MUSK: variants seen among roughly 807,000 people sequenced by gnomAD.
MUSK encodes the protein muscle associated receptor tyrosine kinase.
In MUSK, 55 loss-of-function variants were observed where a neutral mutation model predicts 88.7. That is an observed-to-expected ratio of 0.62 (90% CI 0.50 to 0.78). MUSK has a LOEUF of 0.78. Ranked by LOEUF, MUSK falls within the 30% of genes least tolerant of loss-of-function variation. The pLI is 0.00. For synonymous variants in MUSK, 387 were observed against 391.9 expected (o/e 0.99, Z 0.15); for missense variants, 1,015 against 1,074.3 (o/e 0.94, Z 0.77).
At chr9:110,737,145 A>C (rs188531905) in intron 6 of MUSK, among the ~76,000 whole-genome samples, 1 of 152,052 alleles carries the variant, frequency 6.6e-6, no homozygotes, top group East Asian at 1.9e-4. Flanking sequence ...TCAAAATTTT[A>C]ATTTTCTCAC....
In MUSK at chr9:110,786,032, C is replaced by G. The variant is rs1257091652; in HGVS notation, c.1778+314C>G. ...TTTTTATCAAGTTAGTTAATTCTGG[C>G]CAGGTGCGGTGGCTCGTGCCTGTAA... On this transcript the variant is annotated intron_variant, in intron 13 of 14. Coordinates refer to ENST00000374448, the MANE Select transcript of MUSK (RefSeq NM_005592.4). Among the ~76,000 whole-genome samples the G allele has an allele frequency of 4.0e-5, 6 of 150,126 alleles. No individual in the cohort carries two copies. The East Asian group carries it at 1.2e-3, about 29-fold the overall frequency.
At chr9:110,690,270 G>C (rs1174672769) in intron 3 of MUSK, among the ~76,000 whole-genome samples, 1 of 95,268 alleles carries the variant, frequency 1.0e-5, no homozygotes, top group African/African-American at 4.3e-5. Flanking sequence ...ATATATTTAA[G>C]TACAAATATA....
intron 5 of MUSK, among the ~76,000 whole-genome samples, chr9:110,707,067 C>T (rs2076609698): frequency 6.6e-6 from 1 of 152,020 alleles, no homozygotes; most frequent in Admixed American, 6.6e-5. Flanking sequence ...ATTAACTCCT[C>T]TGACCAGTGC....
At chr9:110,755,904 T>C (rs921013740) in intron 7 of MUSK, among the ~76,000 whole-genome samples, 1 of 133,128 alleles carries the variant, frequency 7.5e-6, no homozygotes, top group African/African-American at 3.0e-5. Flanking sequence ...GCAAGGTACA[T>C]TCTCAGTGCC....
At chr9:110,773,614 C>T (rs181098344) in intron 9 of MUSK, among the ~76,000 whole-genome samples, 2 of 152,134 alleles carry the variant, frequency 1.3e-5, no homozygotes, top group Admixed American at 1.3e-4. Context: ...TTACTCATCT[C>T]TCATTCAGCT....
chr9:110,688,639 C>T (rs1489783006), intron 3 of MUSK, among the ~76,000 whole-genome samples: 1 of 151,906 alleles, frequency 6.6e-6, no homozygotes, highest in African/African-American at 2.4e-5. Flanking sequence ...CCGACAGGCC[C>T]CGTGTGTGCT....
chr9:110,747,898 T>C, intron 7 of MUSK, 98 bp downstream of exon 7: 1 of 1,449,354 alleles, frequency 6.9e-7, no homozygotes, highest in Non-Finnish European at 9.6e-7. Context: ...TTTTCTTTTA[T>C]CTCTTATTTC....
At chr9:110,704,539 T>C (rs1366794497) in intron 5 of MUSK, among the ~76,000 whole-genome samples, 1 of 152,312 alleles carries the variant, frequency 6.6e-6, no homozygotes, top group East Asian at 1.9e-4. Context: ...GCTTACCATG[T>C]GCAAGGTACT....
intron 14 of MUSK, among the ~76,000 whole-genome samples, chr9:110,800,025 C>T (rs1238543089): frequency 6.6e-6 from 1 of 152,204 alleles, no homozygotes; most frequent in East Asian, 1.9e-4. Flanking sequence ...GCACCATGTA[C>T]GATGTACTTA....
At chr9:110,745,540 T>C (rs2077165268) in intron 6 of MUSK, among the ~76,000 whole-genome samples, 2 of 152,240 alleles carry the variant, frequency 1.3e-5, no homozygotes, top group South Asian at 2.1e-4. Flanking sequence ...TAGCTTTTTT[T>C]CTTATTGTTG....
intron 7 of MUSK, among the ~76,000 whole-genome samples, chr9:110,749,593 AATAGAT>A (rs1208506277): frequency 2.0e-5 from 3 of 152,196 alleles, no homozygotes; most frequent in Non-Finnish European, 4.4e-5. Context: ...AAATAAGTGC[AATAGAT>A]ATATCCTCTA....
At chr9:110,673,981 A>G (rs1483482015) in intron 1 of MUSK, among the ~76,000 whole-genome samples, 2 of 152,150 alleles carry the variant, frequency 1.3e-5, no homozygotes, top group Non-Finnish European at 2.9e-5. Flanking sequence ...AGCATATTCT[A>G]TATTATTAGT....
At chr9:110,669,034 G>T in intron 1 of MUSK, 51 bp downstream of exon 1, 1 of 1,478,986 alleles carries the variant, frequency 6.8e-7, no homozygotes, top group Non-Finnish European at 9.5e-7. Context: ...GTTGTAAAGT[G>T]TGTGTATATG....
intron 3 of MUSK, among the ~76,000 whole-genome samples, chr9:110,689,991 T>TTATATATTATATATTATAAATATATAA (rs1196256321): frequency 3.6e-3 from 42 of 11,742 alleles, no homozygotes; most frequent in African/African-American, 0.012. Context: ...AATATTATAA[T>TTATATATTATATATTATAAATATATAA]TATATATTAT....
chr9:110,694,560 G>A (rs1217572685), intron 3 of MUSK, among the ~76,000 whole-genome samples: 1 of 151,986 alleles, frequency 6.6e-6, no homozygotes, highest in Non-Finnish European at 1.5e-5. Flanking sequence ...AATTGGTTAC[G>A]GCACATGTCC....
intron 2 of MUSK, among the ~76,000 whole-genome samples, chr9:110,685,927 T>C (rs1160992858): frequency 2.0e-5 from 3 of 152,174 alleles, no homozygotes; most frequent in Non-Finnish European, 2.9e-5. Context: ...TTTAGGTATT[T>C]GTTGCAGCAG....
At position 110,746,412 on chromosome 9, in the gene MUSK, C is replaced by T. The variant is rs76208589; in HGVS notation, c.754-1229C>T. Among the ~76,000 whole-genome samples, 21 of 152,254 alleles carry T rather than the reference C, an allele frequency of 1.4e-4. 1 individual carries two copies. The East Asian group carries it at 4.1e-3, about 29-fold the overall frequency. On this transcript the variant is annotated intron_variant, in intron 6 of 14. Coordinates refer to ENST00000374448, the MANE Select transcript of MUSK (RefSeq NM_005592.4). ...AGTTGTTACTCTTGTTTTCTAATGACTGCTCATTTGTTCTCTCTTCTAGGA... is the reference window on the plus strand; with the variant it reads ...AGTTGTTACTCTTGTTTTCTAATGATTGCTCATTTGTTCTCTCTTCTAGGA...
chr9:110,689,727 T>TA lies in MUSK; in HGVS notation c.358+2460dup, dbSNP rs1564217923. Among the ~76,000 whole-genome samples the TA allele has an allele frequency of 2.3e-3, 178 of 78,128 alleles. 6 individuals are homozygous for TA. The highest frequency in any genetic ancestry group is 0.012 in the African/African-American group (163 of 13,290). The allele number at this position is 78,128 out of a possible 152,430, so 51.3% of individuals were successfully genotyped here. A position where few individuals can be genotyped will look rare whatever the true frequency, so the allele number is the denominator to read the frequency against. On this transcript the variant is annotated intron_variant, in intron 3 of 14. Transcript: ENST00000374448. ...AATATATAACTATATATGTTATATA[T>TA]AGTTTATATATAATATTATATATTA... is the stretch of plus-strand genomic sequence containing the variant.
At chr9:110,699,362 AC>A (rs1334189877) in intron 5 of MUSK, among the ~76,000 whole-genome samples, 1 of 152,158 alleles carries the variant, frequency 6.6e-6, no homozygotes, top group Non-Finnish European at 1.5e-5. Context: ...GCCTATTTCT[AC>A]CCTCATCTTA....
Sources: allele counts gnomAD v4.1 joint callset (sites outside exome capture counted in the v4.1 genomes callset), GRCh38; gene constraint gnomAD v4.1.1; transcripts MANE v1.5; gene names NCBI Gene and HGNC (gene_info 2026-07-23, HGNC 2026-07-21).